IPP: variants seen among roughly 807,000 people sequenced by gnomAD.
IPP encodes intracisternal A particle-promoted polypeptide.
In IPP, 41 loss-of-function variants were observed where a neutral mutation model predicts 64.1. That is an observed-to-expected ratio of 0.64 (90% CI 0.50 to 0.83). The LOEUF (loss-of-function observed/expected upper bound fraction) is 0.83. Ranked by LOEUF, IPP falls within the 40% of genes least tolerant of loss-of-function variation. The probability of loss-of-function intolerance (pLI) is 0.00; values close to 1 mark genes in which losing one functional copy is unlikely to be tolerated. For missense variants in IPP, 649 were observed against 703.0 expected, an observed-to-expected ratio of 0.92 and a Z score of 0.87; for synonymous variants, 214 against 235.2, an observed-to-expected ratio of 0.91 and a Z score of 0.83.
rs377514623 is a variant in IPP, at chr1:45,722,909, G to A, written c.1049-3569C>T. On this transcript the variant is annotated intron_variant, in intron 5 of 8. Transcript: ENST00000396478. ...TTATATGATTCCATTTATATGAAAT[G>A]TCCAGAATAGGCAAGCCATAGAGAC... is the stretch of plus-strand genomic sequence containing the variant. Among the ~76,000 whole-genome samples, 13 of 152,212 alleles carry A rather than the reference G, an allele frequency of 8.5e-5. No individual in the cohort carries two copies. In the East Asian group the frequency reaches 1.5e-3, roughly 18 times the overall value.
Position 45,716,906 on chromosome 1 carries a change from C to T in IPP, c.1298G>A (p.Cys433Tyr). 6.2e-7 allele frequency: 1 copy of T among 1,608,978 alleles called. No individual in the cohort carries two copies. The highest frequency in any genetic ancestry group is 8.5e-7 in the Non-Finnish European group (1 of 1,178,284). ...MAVSRYYFGC[C>Y]EMQGLIYVIG... ...TATAAAGTGATTACCTTGCATTTCA[C>T]AGCACCCAAAGTAGTAGCGTGACAC... Residue 433 changes from cysteine (C) to tyrosine (Y), a missense_variant, in exon 7 of 9, where the codon TGT (cysteine) becomes TAT (tyrosine). Coordinates refer to ENST00000396478, the MANE Select transcript of IPP (RefSeq NM_005897.3).
At chr1:45,716,241 A>C (rs1338342772) in intron 7 of IPP, among the ~76,000 whole-genome samples, 1 of 152,084 alleles carries the variant, frequency 6.6e-6, no homozygotes, top group Non-Finnish European at 1.5e-5. Flanking sequence ...AGACCATGAA[A>C]ATAATTTATT....
intron 3 of IPP, among the ~76,000 whole-genome samples, chr1:45,734,465 T>G (rs117896231): frequency 6.6e-6 from 1 of 151,992 alleles, no homozygotes; most frequent in South Asian, 2.1e-4. Flanking sequence ...GAGACAAGAG[T>G]CTTGCTCTGT....
intron 3 of IPP, among the ~76,000 whole-genome samples, chr1:45,739,156 C>T (rs1646022935): frequency 1.3e-5 from 2 of 152,186 alleles, no homozygotes; most frequent in African/African-American, 2.4e-5. Flanking sequence ...TACAGAATTA[C>T]ACCGTTAATG....
chr1:45,746,846 A>T (rs1353790222), intron 1 of IPP, among the ~76,000 whole-genome samples: 5 of 152,220 alleles, frequency 3.3e-5, no homozygotes, highest in Admixed American at 3.3e-4. Flanking sequence ...AGCAGTTGTG[A>T]TCAGTCTAAC....
At chr1:45,708,324 A>G (rs1454252659) in intron 8 of IPP, among the ~76,000 whole-genome samples, 3 of 150,332 alleles carry the variant, frequency 2.0e-5, no homozygotes, top group Non-Finnish European at 4.4e-5. Flanking sequence ...TCGGCCTCCC[A>G]AAGTGCTGGA....
chr1:45,720,736 C>T (rs1046002108), intron 5 of IPP, among the ~76,000 whole-genome samples: 1 of 152,118 alleles, frequency 6.6e-6, no homozygotes, highest in African/African-American at 2.4e-5. Context: ...AGAGTTAGCA[C>T]TACAGAGCAG....
intron 7 of IPP, among the ~76,000 whole-genome samples, chr1:45,715,296 G>T (rs945113277): frequency 6.6e-6 from 1 of 151,804 alleles, no homozygotes; most frequent in East Asian, 1.9e-4. Context: ...TGAATCTCTA[G>T]TGTTGTACTT....
chr1:45,738,305 A>G (rs547992278), intron 3 of IPP, among the ~76,000 whole-genome samples: 20 of 142,364 alleles, frequency 1.4e-4, no homozygotes, highest in African/African-American at 4.8e-4. Flanking sequence ...CAGTCTATTT[A>G]GTGTCATTTT....
chr1:45,740,484 G>C (rs893788318), intron 3 of IPP, among the ~76,000 whole-genome samples: 1 of 151,998 alleles, frequency 6.6e-6, no homozygotes, highest in African/African-American at 2.4e-5. Context: ...GAACGGGGCG[G>C]CTGGCCGGGC....
At chr1:45,694,820 ATATAAAT>A, downstream of IPP, 1 of 206,290 alleles carries the variant, frequency 4.8e-6, no homozygotes, top group Non-Finnish European at 9.7e-6. Context: ...CCACTAGTAC[ATATAAAT>A]TAGGAAAGAA....
At chr1:45,703,638 G>T (rs1462561252) in intron 8 of IPP, among the ~76,000 whole-genome samples, 1 of 151,862 alleles carries the variant, frequency 6.6e-6, no homozygotes, top group Non-Finnish European at 1.5e-5. Flanking sequence ...ATTTAACCTG[G>T]TTTAACCCAG....
chr1:45,717,516 T>C (rs979413272), intron 6 of IPP, among the ~76,000 whole-genome samples: 3 of 152,126 alleles, frequency 2.0e-5, no homozygotes, highest in African/African-American at 7.2e-5. Context: ...CCAATTCTTT[T>C]TTTTTTTGAG....
At chr1:45,741,857 T>G (rs1195056905) in intron 2 of IPP, among the ~76,000 whole-genome samples, 1 of 79,418 alleles carries the variant, frequency 1.3e-5, no homozygotes, top group African/African-American at 4.1e-5. Context: ...CTCGATCTCC[T>G]GACCTTGTGA....
chr1:45,696,490 A>C (rs540362422), downstream of IPP, among the ~76,000 whole-genome samples: 323 of 152,358 alleles, frequency 2.1e-3, 1 homozygote, highest in African/African-American at 7.1e-3. Flanking sequence ...TTTTAAAAAC[A>C]ATCTTGTTAG....
intron 2 of IPP, among the ~76,000 whole-genome samples, chr1:45,743,625 G>A (rs763192852): frequency 2.0e-5 from 3 of 152,060 alleles, no homozygotes; most frequent in Non-Finnish European, 4.4e-5. Context: ...GCTGAGGTGG[G>A]AGGATAGCTT....
At chr1:45,696,610 A>T (rs976746057), downstream of IPP, among the ~76,000 whole-genome samples, 6 of 152,074 alleles carry the variant, frequency 3.9e-5, no homozygotes, top group Non-Finnish European at 7.4e-5. Flanking sequence ...GAGAAACCCC[A>T]CCTCTACAAA....
Position 45,700,006 on chromosome 1 carries a change from A to C in IPP, c.1715T>G (p.Met572Arg). ...HSDTWTEIGNMITSRCEGGVA... is the reference protein window; with the variant it reads ...HSDTWTEIGNRITSRCEGGVA... ...GCCCCCTTCACAACGACTGGTGATC[A>C]TGTTACCAATTTCTGTCCATGTATC... The change falls in exon 9 of 9, where the codon ATG becomes AGG. Residue 572 changes from methionine to arginine, a missense_variant. Met to Arg is a moderately conservative substitution (Grantham distance 91). Coordinates refer to ENST00000396478, the MANE Select transcript of IPP (RefSeq NM_005897.3). 1 of 1,614,172 alleles carries C rather than the reference A, an allele frequency of 6.2e-7. No individual in the cohort carries two copies. Among genetic ancestry groups the C allele is most frequent in the Non-Finnish European group, 8.5e-7 (1 of 1,180,020 alleles).
chr1:45,725,476 C>G (rs1195333071), intron 5 of IPP, among the ~76,000 whole-genome samples: 1 of 140,490 alleles, frequency 7.1e-6, no homozygotes, highest in African/African-American at 2.6e-5. Context: ...GGGGTGTCAG[C>G]CCCCCGCCCG....
Sources: gnomAD v4.1 joint callset for allele counts (sites outside exome capture counted in the v4.1 genomes callset) on GRCh38, gnomAD v4.1.1 for gene constraint, MANE v1.5 for transcripts, NCBI Gene and HGNC (gene_info 2026-07-23, HGNC 2026-07-21) for gene names.